Variants in TSPAN13 observed in about 807,000 individuals in gnomAD.
The protein encoded by TSPAN13 is tetraspanin-13.
A neutral mutation model predicts 26.9 loss-of-function variants in TSPAN13; 18 were observed. The ratio of observed to expected loss-of-function variants is 0.67; its 90% CI spans 0.46 to 0.99. The LOEUF (loss-of-function observed/expected upper bound fraction) is 0.99, where lower values mean the gene tolerates loss of function less well. TSPAN13 is among the 50% of genes least tolerant of loss of function. The pLI is 0.00. For synonymous variants in TSPAN13, 116 were observed against 98.4 expected (o/e 1.18, Z -1.06); for missense variants, 201 against 249.6 (o/e 0.81, Z 1.31).
intron 1 of TSPAN13, among the ~76,000 whole-genome samples, chr7:16,774,570 CTG>C (rs1784718869): frequency 6.6e-6 from 1 of 152,118 alleles, no homozygotes; most frequent in Non-Finnish European, 1.5e-5. Context: ...CAGTCCAAGA[CTG>C]TTTGAAGTTG....
chr7:16,772,481 C>T (rs572689886), intron 1 of TSPAN13, among the ~76,000 whole-genome samples: 3 of 152,268 alleles, frequency 2.0e-5, no homozygotes, highest in South Asian at 2.1e-4. Flanking sequence ...TCTGTTCTTG[C>T]GTCTTCCATT....
chr7:16,754,549 A>G (rs1458121977), intron 1 of TSPAN13, among the ~76,000 whole-genome samples: 1 of 152,232 alleles, frequency 6.6e-6, no homozygotes, highest in East Asian at 1.9e-4. Context: ...GAGTAGGTTC[A>G]CAGGATGTCC....
At chr7:16,776,154 C>A in intron 1 of TSPAN13, 57 bp from the exon 2 acceptor site, 1 of 1,553,408 alleles carries the variant, frequency 6.4e-7, no homozygotes, top group South Asian at 1.2e-5. Context: ...CTGGCATTTT[C>A]CCCATTCTCT....
chr7:16,778,851 T>G (rs13232235), intron 4 of TSPAN13, 152 bp from the exon 5 acceptor site: 174,314 of 575,478 alleles, frequency 0.3, 28,502 homozygotes, highest in Middle Eastern at 0.35. Flanking sequence ...GGTGGGAGTC[T>G]TGGGGGCTGT....
At chr7:16,777,950 TA>T (rs770339484) in intron 4 of TSPAN13, 39 bp downstream of exon 4, 4 of 1,423,228 alleles carry the variant, frequency 2.8e-6, no homozygotes, top group Admixed American at 3.7e-5. Context: ...GGAAATGTAT[TA>T]CAGATAAATA....
chr7:16,771,755 G>C (rs955547319), intron 1 of TSPAN13, among the ~76,000 whole-genome samples: 1 of 152,218 alleles, frequency 6.6e-6, no homozygotes, highest in Non-Finnish European at 1.5e-5. Context: ...CACTACACTT[G>C]TGTTAATTTG....
At chr7:16,760,798 A>G (rs1212245012) in intron 1 of TSPAN13, among the ~76,000 whole-genome samples, 1 of 152,160 alleles carries the variant, frequency 6.6e-6, no homozygotes, top group Admixed American at 6.6e-5. Flanking sequence ...GGAGATGGGG[A>G]CCGAGAGTTG....
chr7:16,776,708 T>C lies in TSPAN13; in HGVS notation c.231+330T>C, dbSNP rs1441509924. ...TAATGTTTGGTTGAGAATTTCAGTG[T>C]TTTTTTTAGACTTAATATTAAAAAA... is the stretch of plus-strand genomic sequence containing the variant. On this transcript the variant is annotated intron_variant, in intron 2 of 5. Transcript: ENST00000262067. Among the ~76,000 whole-genome samples the C allele has an allele frequency of 2.0e-5, 3 of 151,852 alleles. No homozygotes were observed. In the East Asian group the frequency reaches 5.8e-4, roughly 29 times the overall value.
At chr7:16,769,357 CT>C in intron 1 of TSPAN13, among the ~76,000 whole-genome samples, 1 of 152,284 alleles carries the variant, frequency 6.6e-6, no homozygotes, top group East Asian at 1.9e-4. Flanking sequence ...CTTCATGGTT[CT>C]GGTGACAGTG....
At chr7:16,773,089 T>G (rs188131133) in intron 1 of TSPAN13, among the ~76,000 whole-genome samples, 1 of 152,084 alleles carries the variant, frequency 6.6e-6, no homozygotes, top group African/African-American at 2.4e-5. Flanking sequence ...GCTGGGCTAT[T>G]CTGTTTATCT....
At chr7:16,776,705 G>A (rs1395474162) in intron 2 of TSPAN13, among the ~76,000 whole-genome samples, 1 of 151,876 alleles carries the variant, frequency 6.6e-6, no homozygotes, top group Non-Finnish European at 1.5e-5. Flanking sequence ...GAGAATTTCA[G>A]TGTTTTTTTT....
At chr7:16,778,130 G>A (rs1393812239) in intron 4 of TSPAN13, among the ~76,000 whole-genome samples, 1 of 152,186 alleles carries the variant, frequency 6.6e-6, no homozygotes, top group Non-Finnish European at 1.5e-5. Flanking sequence ...GGACACAGAT[G>A]CTAATGGTTT....
intron 1 of TSPAN13, among the ~76,000 whole-genome samples, chr7:16,757,818 G>T (rs1245185371): frequency 6.6e-6 from 1 of 151,990 alleles, no homozygotes; most frequent in Non-Finnish European, 1.5e-5. Context: ...CTCTGAAGTT[G>T]GGATGCATTT....
chr7:16,756,892 C>G (rs1784485924), intron 1 of TSPAN13, among the ~76,000 whole-genome samples: 1 of 152,166 alleles, frequency 6.6e-6, no homozygotes, highest in African/African-American at 2.4e-5. Context: ...AATACAGCAG[C>G]AAACCAAACA....
At chr7:16,755,177 C>T (rs909042668) in intron 1 of TSPAN13, among the ~76,000 whole-genome samples, 1 of 152,208 alleles carries the variant, frequency 6.6e-6, no homozygotes, top group Non-Finnish European at 1.5e-5. Context: ...CCTGCATTAG[C>T]AGAGAGCTAG....
At chr7:16,770,778 A>C (rs188151236) in intron 1 of TSPAN13, among the ~76,000 whole-genome samples, 1 of 152,310 alleles carries the variant, frequency 6.6e-6, no homozygotes, top group African/African-American at 2.4e-5. Flanking sequence ...TTCTCCCCCA[A>C]ATGCCGTCAC....
chr7:16,761,432 T>C (rs1784539751), intron 1 of TSPAN13, among the ~76,000 whole-genome samples: 3 of 152,234 alleles, frequency 2.0e-5, no homozygotes, highest in Admixed American at 2.0e-4. Context: ...TTTTCCACAT[T>C]AAGCAGAAGT....
At position 16,772,160 on chromosome 7, in the gene TSPAN13, A is replaced by T. The variant is rs112225491; in HGVS notation, c.64-4051A>T. ...GTTTCCTCATTTTGCCGAAACGATG[A>T]TGCAGATAATGTATTTGCTTTGCGG... is the stretch of plus-strand genomic sequence containing the variant. On this transcript the variant is annotated intron_variant, in intron 1 of 5. Coordinates refer to ENST00000262067, the MANE Select transcript of TSPAN13 (RefSeq NM_014399.4). Among the ~76,000 whole-genome samples the T allele has an allele frequency of 1.4e-4, 22 of 152,284 alleles. 1 individual carries two copies. Among genetic ancestry groups the T allele is most frequent in the African/African-American group, 5.1e-4 (21 of 41,568 alleles).
intron 1 of TSPAN13, among the ~76,000 whole-genome samples, chr7:16,762,154 A>T (rs1009724143): frequency 5.3e-5 from 8 of 152,166 alleles, no homozygotes; most frequent in Admixed American, 3.9e-4. Flanking sequence ...TTGATGAAAG[A>T]TTGAAGGTTA....
Sources: gnomAD v4.1 joint callset for allele counts (sites outside exome capture counted in the v4.1 genomes callset) on GRCh38, gnomAD v4.1.1 for gene constraint, MANE v1.5 for transcripts, NCBI Gene and HGNC (gene_info 2026-07-23, HGNC 2026-07-21) for gene names.